The following ZMAT4 variants were observed in gnomAD, a reference collection of about 807,000 sequenced individuals.
ZMAT4 encodes the protein zinc finger matrin-type protein 4.
ZMAT4 carries 17 observed loss-of-function variants against 28.7 expected under a neutral mutation model. The observed-to-expected ratio is 0.59, with a 90% CI of 0.41 to 0.89. The LOEUF is 0.89. ZMAT4 is among the 40% of genes least tolerant of loss of function. The pLI is 0.00. For synonymous variants in ZMAT4, 117 were observed against 109.2 expected (o/e 1.07, Z -0.44); for missense variants, 240 against 283.8 (o/e 0.85, Z 1.11).
At chr8:40,831,719 C>A (rs903383253) in intron 1 of ZMAT4, among the ~76,000 whole-genome samples, 7 of 152,204 alleles carry the variant, frequency 4.6e-5, no homozygotes, top group African/African-American at 1.7e-4. Context: ...TGAAGAGCAG[C>A]TCTTGCCTTT....
chr8:40,535,110 G>A (rs1193095837), intron 6 of ZMAT4, among the ~76,000 whole-genome samples: 1 of 152,162 alleles, frequency 6.6e-6, no homozygotes, highest in Admixed American at 6.5e-5. Context: ...CAAAAGAGAA[G>A]TGTCCCTGTC....
intron 6 of ZMAT4, among the ~76,000 whole-genome samples, chr8:40,553,331 G>A (rs573291969): frequency 5.9e-5 from 9 of 152,250 alleles, no homozygotes; most frequent in Admixed American, 3.3e-4. Flanking sequence ...TCAAGCTACC[G>A]AGTTTTCGGG....
intron 3 of ZMAT4, among the ~76,000 whole-genome samples, chr8:40,729,598 T>TTTC (rs369073061): frequency 0.015 from 1,225 of 81,862 alleles, 6 homozygotes; most frequent in African/African-American, 0.023. Context: ...TCTTTCTTTC[T>TTTC]TTTTTTTTTT....
At chr8:40,649,158 G>A (rs1169946919) in intron 5 of ZMAT4, among the ~76,000 whole-genome samples, 1 of 152,060 alleles carries the variant, frequency 6.6e-6, no homozygotes, top group Non-Finnish European at 1.5e-5. Context: ...AGACCCATCA[G>A]TGTGCTGTAT....
intron 2 of ZMAT4, among the ~76,000 whole-genome samples, chr8:40,779,794 GAA>G (rs1345285173): frequency 1.3e-5 from 2 of 152,164 alleles, no homozygotes; most frequent in Non-Finnish European, 2.9e-5. Flanking sequence ...GGCAGGAAAA[GAA>G]ACCAGACTGA....
At chr8:40,750,356 G>T (rs1812406593) in intron 3 of ZMAT4, among the ~76,000 whole-genome samples, 1 of 152,086 alleles carries the variant, frequency 6.6e-6, no homozygotes, top group Non-Finnish European at 1.5e-5. Context: ...GAAGCAGAAT[G>T]GTCACAGGGG....
rs979613895 is a variant in ZMAT4 at position 40,708,798 on chromosome 8, C to G, written c.193-11397G>C. ...CCGAGTAGCCGGAATCACAGGTGCG[C>G]ACCACCGCGACAGCTAATTTTTGTA... On this transcript the variant is annotated intron_variant, in intron 3 of 6. Transcript: ENST00000297737. 2.0e-4 allele frequency among the ~76,000 whole-genome samples: 31 copies of G among 151,422 alleles called. 2 individuals are homozygous for G. The highest frequency in any genetic ancestry group is 2.0e-3 in the Admixed American group (31 of 15,178).
At chr8:40,548,166 AGGAC>A in intron 6 of ZMAT4, among the ~76,000 whole-genome samples, 1 of 152,328 alleles carries the variant, frequency 6.6e-6, no homozygotes, top group Non-Finnish European at 1.5e-5. Context: ...AGGTGTAGGA[AGGAC>A]CCTTCAGGCC....
At chr8:40,737,874 A>G (rs1161247124) in intron 3 of ZMAT4, among the ~76,000 whole-genome samples, 1 of 151,942 alleles carries the variant, frequency 6.6e-6, no homozygotes, top group African/African-American at 2.4e-5. Flanking sequence ...GAAGCAATGC[A>G]TGGGAAGCAC....
intron 5 of ZMAT4, among the ~76,000 whole-genome samples, chr8:40,595,087 T>C (rs1805043210): frequency 6.6e-6 from 1 of 152,154 alleles, no homozygotes; most frequent in Admixed American, 6.5e-5. Flanking sequence ...AGCAAAAGGA[T>C]ATATTGAAAA....
chr8:40,601,642 A>AGGC lies in ZMAT4; in HGVS notation c.578-20382_578-20381insGCC, dbSNP rs1805371634. Reference sequence around the variant, plus strand: ...AGAAAGAAAGAAAGAAAGAGAAAGAAAGAAAGAAAGAAAGAAAGAAAGAAA... The same window carrying AGGC: ...AGAAAGAAAGAAAGAAAGAGAAAGAAGGCAGAAAGAAAGAAAGAAAGAAAGAAA... On this transcript the variant is annotated intron_variant, in intron 5 of 6. Transcript: ENST00000297737. 7.5e-5 allele frequency among the ~76,000 whole-genome samples: 3 copies of AGGC among 40,108 alleles called. 1 individual carries two copies. The highest frequency in any genetic ancestry group is 8.3e-4 in the South Asian group (1 of 1,198). 26.3% of individuals were successfully genotyped at this position (40,108 alleles called of 152,430 possible). A position where few individuals can be genotyped will look rare whatever the true frequency, so the allele number is the denominator to read the frequency against.
chr8:40,532,177 A>G lies in ZMAT4; in HGVS notation c.*46T>C. 6.5e-7 allele frequency: 1 copy of G among 1,547,062 alleles called. No homozygotes were observed. The highest frequency in any genetic ancestry group is 8.7e-7 in the Non-Finnish European group (1 of 1,143,488). On this transcript the variant is annotated 3_prime_UTR_variant, in exon 7 of 7. Coordinates refer to ENST00000297737, the MANE Select transcript of ZMAT4 (RefSeq NM_024645.3). ...TGGTTGATAAGCAATTCTCCACGGC[A>G]GAGAAATGCTAATGTTTTGTTCTTA...
At chr8:40,561,544 G>C (rs929141004) in intron 6 of ZMAT4, among the ~76,000 whole-genome samples, 4 of 152,020 alleles carry the variant, frequency 2.6e-5, no homozygotes, top group African/African-American at 7.2e-5. Context: ...GGTCCCAGCT[G>C]GTGCTCAGGG....
At chr8:40,654,526 C>T (rs1394714543) in intron 5 of ZMAT4, among the ~76,000 whole-genome samples, 1 of 151,986 alleles carries the variant, frequency 6.6e-6, no homozygotes, top group East Asian at 1.9e-4. Context: ...AAACTACAGA[C>T]CAACATTTCT....
At chr8:40,606,706 T>A (rs148052436) in intron 5 of ZMAT4, among the ~76,000 whole-genome samples, 3 of 152,342 alleles carry the variant, frequency 2.0e-5, no homozygotes, top group African/African-American at 7.2e-5. Flanking sequence ...TTGAGCTTCT[T>A]GTATTTGAAT....
chr8:40,759,536 G>A (rs1812842399), intron 3 of ZMAT4, among the ~76,000 whole-genome samples: 1 of 152,160 alleles, frequency 6.6e-6, no homozygotes, highest in Admixed American at 6.5e-5. Context: ...CATCTGCAAA[G>A]CAGGATGAGA....
intron 1 of ZMAT4, among the ~76,000 whole-genome samples, chr8:40,887,384 G>A (rs999681883): frequency 6.6e-6 from 1 of 151,352 alleles, no homozygotes; most frequent in African/African-American, 2.4e-5. Flanking sequence ...AGCTACTCGG[G>A]AGGCTGAGAC....
chr8:40,655,653 A>G (rs1390362810), intron 5 of ZMAT4, among the ~76,000 whole-genome samples: 1 of 152,104 alleles, frequency 6.6e-6, no homozygotes, highest in Non-Finnish European at 1.5e-5. Context: ...AAATAGACCC[A>G]TACATTTATG....
chr8:40,816,844 T>C (rs1815560126), intron 2 of ZMAT4, among the ~76,000 whole-genome samples: 1 of 152,194 alleles, frequency 6.6e-6, no homozygotes, highest in African/African-American at 2.4e-5. Context: ...ATAGAAGTCA[T>C]ATGAAAGAGA....
Sources: allele counts gnomAD v4.1 joint callset (sites outside exome capture counted in the v4.1 genomes callset), GRCh38; gene constraint gnomAD v4.1.1; transcripts MANE v1.5; gene names NCBI Gene and HGNC (gene_info 2026-07-23, HGNC 2026-07-21).